The following SH3GL2 variants were observed in gnomAD, a reference collection of about 807,000 sequenced individuals.
SH3GL2 encodes SH3 domain containing GRB2 like 2, endophilin A1.
Under a neutral mutation model 46.0 loss-of-function variants are expected in SH3GL2, and 24 were observed. That is an observed-to-expected ratio of 0.52 (90% CI 0.38 to 0.73). The LOEUF (loss-of-function observed/expected upper bound fraction) is 0.73, where lower values mean the gene tolerates loss of function less well. Among genes scored for constraint, SH3GL2 ranks in the 30% least tolerant of loss-of-function variants. The pLI is 0.00. For missense variants in SH3GL2, 413 were observed against 424.2 expected (o/e 0.97, Z 0.23); for synonymous variants, 196 against 147.1 (o/e 1.33, Z -2.40).
At position 17,676,700 on chromosome 9, in the gene SH3GL2, A is replaced by G. The variant is rs187260863; in HGVS notation, c.46-70366A>G. Among the ~76,000 whole-genome samples, 7 of 152,356 alleles carry G rather than the reference A, an allele frequency of 4.6e-5. No homozygotes were observed. The East Asian group carries it at 1.3e-3, about 29-fold the overall frequency. ...ATCCCTGAAAGTGGCATTTTGCTAC[A>G]TAGCCTCAATATAGTTTTCACAACT... On this transcript the variant is annotated intron_variant, in intron 1 of 8. Transcript: ENST00000380607.
chr9:17,787,916 G>A (rs966711271), intron 5 of SH3GL2, among the ~76,000 whole-genome samples: 1 of 152,054 alleles, frequency 6.6e-6, no homozygotes, highest in Non-Finnish European at 1.5e-5. Flanking sequence ...CACTGCATAA[G>A]CACATATTTT....
intron 1 of SH3GL2, among the ~76,000 whole-genome samples, chr9:17,646,883 G>A (rs936749840): frequency 2.6e-5 from 4 of 152,324 alleles, no homozygotes; most frequent in Admixed American, 1.3e-4. Context: ...CAGTCTGTCC[G>A]TTATCAGAGG....
intron 1 of SH3GL2, among the ~76,000 whole-genome samples, chr9:17,718,464 T>G (rs1349267859): frequency 6.6e-6 from 1 of 152,160 alleles, no homozygotes; most frequent in Non-Finnish European, 1.5e-5. Context: ...GGCTCACTCC[T>G]GTAATTGCCA....
At chr9:17,771,975 A>G (rs1271331506) in intron 3 of SH3GL2, among the ~76,000 whole-genome samples, 3 of 152,282 alleles carry the variant, frequency 2.0e-5, no homozygotes, top group Non-Finnish European at 2.9e-5. Flanking sequence ...AGATGTGAGT[A>G]TATTTACCTA....
chr9:17,642,628 G>A (rs1160304375), intron 1 of SH3GL2, among the ~76,000 whole-genome samples: 1 of 152,146 alleles, frequency 6.6e-6, no homozygotes, highest in East Asian at 1.9e-4. Context: ...CCCATTACTT[G>A]TTTTTGTCAG....
chr9:17,647,072 C>T (rs574662596), intron 1 of SH3GL2, among the ~76,000 whole-genome samples: 9 of 152,234 alleles, frequency 5.9e-5, no homozygotes, highest in African/African-American at 2.2e-4. Flanking sequence ...GATGCCCTGC[C>T]CAGAGAGGAG....
At chr9:17,709,285 A>C (rs1821556439) in intron 1 of SH3GL2, among the ~76,000 whole-genome samples, 1 of 152,034 alleles carries the variant, frequency 6.6e-6, no homozygotes, top group Admixed American at 6.6e-5. Context: ...CGTGGATGGA[A>C]TAGACCACTC....
chr9:17,754,341 A>G (rs923469673), intron 2 of SH3GL2, among the ~76,000 whole-genome samples: 5 of 152,008 alleles, frequency 3.3e-5, no homozygotes, highest in East Asian at 1.9e-4. Context: ...TGTTTGTATC[A>G]TCTCTGATTT....
rs554870897 is a variant in SH3GL2 at position 17,664,632 on chromosome 9, A to G, written c.46-82434A>G. Among the ~76,000 whole-genome samples, 46 of 152,010 alleles carry G rather than the reference A, an allele frequency of 3.0e-4. 1 individual carries two copies. The South Asian group carries it at 5.6e-3, about 18-fold the overall frequency. The stretch of plus-strand genomic sequence containing the variant: ...AAGCAAGTGATAGTGGCTCTACAAA[A>G]TGTACTTCTGAACTTTCTATATGAT... On this transcript the variant is annotated intron_variant, in intron 1 of 8. Transcript: ENST00000380607.
At chr9:17,751,021 C>T (rs1341685081) in intron 2 of SH3GL2, among the ~76,000 whole-genome samples, 4 of 152,064 alleles carry the variant, frequency 2.6e-5, no homozygotes, top group Admixed American at 2.6e-4. Flanking sequence ...GTCTCTTGTC[C>T]CTGATTATGT....
At chr9:17,644,654 G>C (rs1242480925) in intron 1 of SH3GL2, among the ~76,000 whole-genome samples, 1 of 152,160 alleles carries the variant, frequency 6.6e-6, no homozygotes, top group African/African-American at 2.4e-5. Context: ...TCTTCATCCT[G>C]AGTTCTAATT....
At chr9:17,713,696 G>T (rs1821684450) in intron 1 of SH3GL2, among the ~76,000 whole-genome samples, 1 of 151,676 alleles carries the variant, frequency 6.6e-6, no homozygotes, top group African/African-American at 2.4e-5. Context: ...ATTTTCCAGA[G>T]ATCTGCTTTT....
Position 17,795,870 on chromosome 9 carries a change from A to T in SH3GL2, c.*127A>T. 1 of 744,984 alleles carries T rather than the reference A, an allele frequency of 1.3e-6. No individual in the cohort carries two copies. Among genetic ancestry groups the T allele is most frequent in the Non-Finnish European group, 2.2e-6 (1 of 454,214 alleles). The allele number at this position is 744,984 out of a possible 1,614,324, so 46.1% of individuals were successfully genotyped here. A position where few individuals can be genotyped will look rare whatever the true frequency, so the allele number is the denominator to read the frequency against. Reference sequence around the variant, plus strand: ...TGGTCCACGTCATCCAGCCCCACCAAGTGACTTTGGTTGACTTGTGGGCTC... The same window carrying T: ...TGGTCCACGTCATCCAGCCCCACCATGTGACTTTGGTTGACTTGTGGGCTC... On this transcript the variant is annotated 3_prime_UTR_variant, in exon 9 of 9. Transcript: ENST00000380607.
At chr9:17,714,648 A>G (rs1563823942) in intron 1 of SH3GL2, among the ~76,000 whole-genome samples, 1 of 151,638 alleles carries the variant, frequency 6.6e-6, no homozygotes, top group East Asian at 1.9e-4. Flanking sequence ...AGTATACTTC[A>G]TTTCTGTCTC....
intron 8 of SH3GL2, 64 bp downstream of exon 8, chr9:17,793,561 A>G: frequency 6.6e-7 from 1 of 1,509,916 alleles, no homozygotes; most frequent in East Asian, 2.3e-5. Context: ...ACTCTTCCAG[A>G]AATTTTAGGA....
chr9:17,749,857 T>C (rs1276082640), intron 2 of SH3GL2, among the ~76,000 whole-genome samples: 1 of 152,222 alleles, frequency 6.6e-6, no homozygotes, highest in Admixed American at 6.5e-5. Flanking sequence ...GGTATAAGGA[T>C]TATTTCTCCT....
At chr9:17,592,448 T>G (rs1350344747) in intron 1 of SH3GL2, among the ~76,000 whole-genome samples, 2 of 152,212 alleles carry the variant, frequency 1.3e-5, no homozygotes, top group African/African-American at 4.8e-5. Context: ...ACTGAATCAG[T>G]GTACCATTTT....
At chr9:17,671,121 A>G (rs1053218281) in intron 1 of SH3GL2, among the ~76,000 whole-genome samples, 2 of 152,220 alleles carry the variant, frequency 1.3e-5, no homozygotes, top group Non-Finnish European at 2.9e-5. Context: ...TGTACTGCTA[A>G]AGAAACAAGA....
At chr9:17,733,780 C>T (rs1588284341) in intron 1 of SH3GL2, among the ~76,000 whole-genome samples, 1 of 152,036 alleles carries the variant, frequency 6.6e-6, no homozygotes, top group South Asian at 2.1e-4. Context: ...CCATGGAATA[C>T]TATGCAGCTA....
Sources: allele counts gnomAD v4.1 joint callset (sites outside exome capture counted in the v4.1 genomes callset), GRCh38; gene constraint gnomAD v4.1.1; transcripts MANE v1.5; gene names NCBI Gene and HGNC (gene_info 2026-07-23, HGNC 2026-07-21).